Variants in PPP1R3C observed in about 807,000 individuals in gnomAD.
PPP1R3C encodes PP1 subunit R5.
Under a neutral mutation model 29.3 loss-of-function variants are expected in PPP1R3C, and 20 were observed. The observed-to-expected ratio is 0.68, with a 90% confidence interval of 0.48 to 0.99. The LOEUF is 0.99. Among genes scored for constraint, PPP1R3C ranks in the 50% least tolerant of loss-of-function variants. The pLI is 0.00. For synonymous variants in PPP1R3C, 123 were observed against 143.1 expected (o/e 0.86, Z 1.00); for missense variants, 321 against 386.0 (o/e 0.83, Z 1.41).
At chr10:91,632,510 C>G (rs1388108530) in intron 1 of PPP1R3C, among the ~76,000 whole-genome samples, 1 of 151,808 alleles carries the variant, frequency 6.6e-6, no homozygotes, top group Middle Eastern at 3.4e-3. Context: ...TGCTCAAACT[C>G]TTGAGATTTT....
Position 91,630,026 on chromosome 10 carries a change from C to T in PPP1R3C, c.855G>A (p.Glu285=), listed in dbSNP as rs1848697618. 2 of 1,614,254 alleles carry T rather than the reference C, an allele frequency of 1.2e-6. No individual in the cohort carries two copies. Among genetic ancestry groups the T allele is most frequent in the South Asian group, 1.1e-5 (1 of 91,086 alleles). The change falls in exon 2 of 2, where the codon GAG becomes GAA. Residue 285 remains glutamate, a synonymous_variant. Transcript: ENST00000238994. The surrounding 1 kb of genome is among the most constrained non-coding windows in gnomAD (Gnocchi z 4.4). ...CAFHQTSPKT[E]LESTIFGSPR... is the part of the protein sequence containing the mutation. Reference sequence around the variant, plus strand: ...GACTGCCAAAGATTGTTGACTCTAACTCTGTCTTAGGAGACGTCTGGTGGA... The same window carrying T: ...GACTGCCAAAGATTGTTGACTCTAATTCTGTCTTAGGAGACGTCTGGTGGA...
Position 91,630,768 on chromosome 10 carries a change from C to A in PPP1R3C, c.113G>T (p.Ser38Ile). ...AAATTCATCGTACGGGCCCAGGAAA[C>A]TCTTCACAGGTGGTGAATGTGCCAA... Reference protein sequence around the residue: ...LCLAHSPPVKSFLGPYDEFQR... With the variant: ...LCLAHSPPVKIFLGPYDEFQR... The change falls in exon 2 of 2, where the codon AGT (serine) becomes ATT (isoleucine). Residue 38 changes from serine (S) to isoleucine (I), a missense_variant. Physicochemically the swap from Ser to Ile is moderately radical, Grantham distance 142 (BLOSUM62 -2). Transcript: ENST00000238994. This position sits in a 1 kb window ranked among gnomAD's most constrained non-coding sequence, Gnocchi z 4.4. 1 of 1,614,200 alleles carries A rather than the reference C, an allele frequency of 6.2e-7. No homozygotes were observed. Among genetic ancestry groups the A allele is most frequent in the Non-Finnish European group, 8.5e-7 (1 of 1,180,048 alleles).
chr10:91,631,957 A>G lies in PPP1R3C; in HGVS notation c.14+999T>C, dbSNP rs1848721990. Among the ~76,000 whole-genome samples, 7 of 152,346 alleles carry G rather than the reference A, an allele frequency of 4.6e-5. No homozygotes were observed. In the South Asian group the frequency reaches 1.4e-3, roughly 32 times the overall value. On this transcript the variant is annotated intron_variant, in intron 1 of 1. Coordinates refer to ENST00000238994, the MANE Select transcript of PPP1R3C (RefSeq NM_005398.7). ...AGACAATAAAACCATTTAAAGTTTT[A>G]AACATGACTATGCTCAGCAATATTA...
rs1026681708 is a variant in PPP1R3C, at chr10:91,633,045, C to T, written c.-76G>A. On this transcript the variant is annotated 5_prime_UTR_variant, in exon 1 of 2. Transcript: ENST00000238994. ...ATTCGAACCACAGCTCCAGGCCTTG[C>T]CCCCGCGGCGGTCGCTGGGAGAGAC... 2.5e-6 allele frequency: 4 copies of T among 1,570,666 alleles called. No individual in the cohort carries two copies. The highest frequency in any genetic ancestry group is 3.5e-6 in the Non-Finnish European group (4 of 1,155,458).
rs768628374 is a variant in PPP1R3C at position 91,630,634 on chromosome 10, T to G, written c.247A>C (p.Lys83Gln). 6.2e-7 allele frequency: 1 copy of G among 1,611,218 alleles called. No individual in the cohort carries two copies. The highest frequency in any genetic ancestry group is 1.7e-5 in the Admixed American group (1 of 59,882). ...DWKCSHNQAK[K>Q]RVVFADSKGL... is the part of the protein sequence containing the mutation. ...TTGGAGTCAGCAAACACAACGCGCT[T>G]CTTGGCTTGGTTGTGTGAGCACTTC... The change falls in exon 2 of 2, where the codon AAG (lysine) becomes CAG (glutamine). Residue 83 changes from lysine (K) to glutamine (Q), a missense_variant. Transcript: ENST00000238994. This position sits in a 1 kb window ranked among gnomAD's most constrained non-coding sequence, Gnocchi z 4.4.
intron 1 of PPP1R3C, 108 bp downstream of exon 1, chr10:91,632,848 C>T (rs1848731283): frequency 2.7e-6 from 4 of 1,479,492 alleles, no homozygotes; most frequent in African/African-American, 2.8e-5. Flanking sequence ...ACTTGTCCTC[C>T]CCCTGGGGTG....
Position 91,628,638 on chromosome 10 carries a change from T to C in PPP1R3C, c.*1289A>G, listed in dbSNP as rs1306489439. 1 of 152,196 alleles carries C rather than the reference T, an allele frequency of 6.6e-6. No homozygotes were observed. Among genetic ancestry groups the C allele is most frequent in the Non-Finnish European group, 1.5e-5 (1 of 68,026 alleles). 9.4% of individuals were successfully genotyped at this position (152,196 alleles called of 1,614,324 possible). A position where few individuals can be genotyped will look rare whatever the true frequency, so the allele number is the denominator to read the frequency against. ...ACTGCATTCTTGTAACACCTCTCAATGGTTGTGCACAATAATAGAAGCAAC... is the reference window on the plus strand; with the variant it reads ...ACTGCATTCTTGTAACACCTCTCAACGGTTGTGCACAATAATAGAAGCAAC... On this transcript the variant is annotated 3_prime_UTR_variant, in exon 2 of 2. Coordinates refer to ENST00000238994, the MANE Select transcript of PPP1R3C (RefSeq NM_005398.7).
chr10:91,632,091 AGAGGT>A (rs1401038262), intron 1 of PPP1R3C, among the ~76,000 whole-genome samples: 1 of 152,208 alleles, frequency 6.6e-6, no homozygotes, highest in Non-Finnish European at 1.5e-5. Context: ...CTTACAAGTA[AGAGGT>A]GTGTGTATAC....
chr10:91,632,854 G>A, intron 1 of PPP1R3C, 102 bp downstream of exon 1: 2 of 1,495,260 alleles, frequency 1.3e-6, no homozygotes, highest in East Asian at 2.4e-5. Context: ...CCTCCCCCTG[G>A]GGTGTCCATT....
At position 91,630,545 on chromosome 10, in the gene PPP1R3C, C is replaced by A; in HGVS notation, c.336G>T (p.Leu112=). 1 of 1,614,134 alleles carries A rather than the reference C, an allele frequency of 6.2e-7. No individual in the cohort carries two copies. Among genetic ancestry groups the A allele is most frequent in the Middle Eastern group, 1.6e-4 (1 of 6,062 alleles). The change falls in exon 2 of 2, where the codon CTG becomes CTT. Residue 112 remains leucine, a synonymous_variant. Coordinates refer to ENST00000238994, the MANE Select transcript of PPP1R3C (RefSeq NM_005398.7). The surrounding 1 kb of genome is among the most constrained non-coding windows in gnomAD (Gnocchi z 4.4). ...CATTAAGGTCCAAGAGATCAAACTG[C>A]AGATCCCACGCTGGTTCTTCTGGGA... The part of the protein sequence containing the change: ...SDLPEEPAWD[L]QFDLLDLNDI...
At position 91,629,850 on chromosome 10, in the gene PPP1R3C, C is replaced by G. The variant is rs1564769218; in HGVS notation, c.*77G>C. Reference sequence around the variant, plus strand: ...CCTACTGATGGAGTAGCAAAGGCTTCCTAAAATTGAGCAATACAGACCTAG... The same window carrying G: ...CCTACTGATGGAGTAGCAAAGGCTTGCTAAAATTGAGCAATACAGACCTAG... On this transcript the variant is annotated 3_prime_UTR_variant, in exon 2 of 2. Coordinates refer to ENST00000238994, the MANE Select transcript of PPP1R3C (RefSeq NM_005398.7). 9 of 1,492,270 alleles carry G rather than the reference C, an allele frequency of 6.0e-6. No homozygotes were observed. The highest frequency in any genetic ancestry group is 7.4e-6 in the Non-Finnish European group (8 of 1,077,492). 92.4% of individuals were successfully genotyped at this position (1,492,270 alleles called of 1,614,324 possible).
At position 91,630,606 on chromosome 10, in the gene PPP1R3C, C is replaced by G; in HGVS notation, c.275G>C (p.Gly92Ala). ...GACATGGATCGCAGTGAGAGAGAGG[C>G]CCTTGGAGTCAGCAAACACAACGCG... ...KKRVVFADSK[G>A]LSLTAIHVFS... is the part of the protein sequence containing the mutation. The change falls in exon 2 of 2, where the codon GGC becomes GCC. Residue 92 changes from glycine (G) to alanine (A), a missense_variant. Physicochemically the swap from Gly to Ala is moderately conservative, Grantham distance 60. Transcript: ENST00000238994. The surrounding 1 kb of genome is among the most constrained non-coding windows in gnomAD (Gnocchi z 4.4). The G allele has an allele frequency of 1.2e-6, 2 of 1,612,058 alleles. No individual in the cohort carries two copies. The highest frequency in any genetic ancestry group is 1.7e-6 in the Non-Finnish European group (2 of 1,178,414).
Position 91,629,310 on chromosome 10 carries a change from AC to A in PPP1R3C, c.*616del, listed in dbSNP as rs1452267499. On this transcript the variant is annotated 3_prime_UTR_variant, in exon 2 of 2. Coordinates refer to ENST00000238994, the MANE Select transcript of PPP1R3C (RefSeq NM_005398.7). ...GATCACATCTGAACAGAAAGGCTTC[AC>A]TTAAGATCTTGATTCTCCGGAGCTA... The A allele has an allele frequency of 1.3e-5, 2 of 154,530 alleles. No individual in the cohort carries two copies. The highest frequency in any genetic ancestry group is 4.8e-5 in the African/African-American group (2 of 41,462). The allele number at this position is 154,530 out of a possible 1,614,324, so 9.6% of individuals were successfully genotyped here.
At chr10:91,632,060 G>C (rs1848722657) in intron 1 of PPP1R3C, among the ~76,000 whole-genome samples, 2 of 152,130 alleles carry the variant, frequency 1.3e-5, no homozygotes, top group African/African-American at 4.8e-5. Flanking sequence ...ATGGTATTAA[G>C]ATTTTTTTCC....
chr10:91,630,213 G>T lies in PPP1R3C; in HGVS notation c.668C>A (p.Pro223His), dbSNP rs1483899423. 2 of 1,614,070 alleles carry T rather than the reference G, an allele frequency of 1.2e-6. No homozygotes were observed. The highest frequency in any genetic ancestry group is 1.6e-4 in the Middle Eastern group (1 of 6,084). Residue 223 changes from proline to histidine, a missense_variant, in exon 2 of 2, where the codon CCC becomes CAC. Transcript: ENST00000238994. This position sits in a 1 kb window ranked among gnomAD's most constrained non-coding sequence, Gnocchi z 4.4. The part of the protein sequence containing the change: ...SDTFSFAIDL[P>H]PVIPTEQKIE... ...TTTCTGCTCAGTTGGAATGACAGGGGGTAAGTCAATGGCAAATGAGAAGGT... is the reference window on the plus strand; with the variant it reads ...TTTCTGCTCAGTTGGAATGACAGGGTGTAAGTCAATGGCAAATGAGAAGGT...
rs1848734215 is a variant in PPP1R3C at position 91,633,046 on chromosome 10, C to A, written c.-77G>T. On this transcript the variant is annotated 5_prime_UTR_variant, in exon 1 of 2. Transcript: ENST00000238994. ...TTCGAACCACAGCTCCAGGCCTTGC[C>A]CCCGCGGCGGTCGCTGGGAGAGACT... The A allele has an allele frequency of 6.4e-7, 1 of 1,570,524 alleles. No homozygotes were observed.
chr10:91,630,818 G>A lies in PPP1R3C; in HGVS notation c.63C>T (p.Pro21=), dbSNP rs202120634. ...DPRPLTSSVM[P]VDVAMRLCLA... is the part of the protein sequence containing the mutation. ...AGCAAAGCCTCATGGCCACATCCAC[G>A]GGCATGACCGAACTTGTCAAAGGAC... Residue 21 remains proline (P), a synonymous_variant, in exon 2 of 2, where the codon CCC becomes CCT. Transcript: ENST00000238994. This position sits in a 1 kb window ranked among gnomAD's most constrained non-coding sequence, Gnocchi z 4.4. The A allele has an allele frequency of 2.0e-5, 33 of 1,613,920 alleles. No homozygotes were observed. Among genetic ancestry groups the A allele is most frequent in the Middle Eastern group, 1.6e-4 (1 of 6,062 alleles).
chr10:91,629,900 T>C lies in PPP1R3C; in HGVS notation c.*27A>G, dbSNP rs1392000359. On this transcript the variant is annotated 3_prime_UTR_variant, in exon 2 of 2. Coordinates refer to ENST00000238994, the MANE Select transcript of PPP1R3C (RefSeq NM_005398.7). ...GGATTGCATGGGGGAATATGACAAGTCAAGACCAGTTACATTGTTGCTTAA... is the reference window on the plus strand; with the variant it reads ...GGATTGCATGGGGGAATATGACAAGCCAAGACCAGTTACATTGTTGCTTAA... The C allele has an allele frequency of 6.2e-7, 1 of 1,611,464 alleles. No homozygotes were observed.
rs2133482813 is a variant in PPP1R3C at position 91,629,130 on chromosome 10, A to G, written c.*797T>C. On this transcript the variant is annotated 3_prime_UTR_variant, in exon 2 of 2. Coordinates refer to ENST00000238994, the MANE Select transcript of PPP1R3C (RefSeq NM_005398.7). The stretch of plus-strand genomic sequence containing the variant: ...ATCTTTGACATGACATGAAGTCCCT[A>G]CGTGTTGTTAGCCATTAATGATGGC... 1 of 152,368 alleles carries G rather than the reference A, an allele frequency of 6.6e-6. No homozygotes were observed. Among genetic ancestry groups the G allele is most frequent in the African/African-American group, 2.4e-5 (1 of 41,582 alleles). 9.4% of individuals were successfully genotyped at this position (152,368 alleles called of 1,614,324 possible).
Sources: gnomAD v4.1 joint callset for allele counts (sites outside exome capture counted in the v4.1 genomes callset) on GRCh38, gnomAD v4.1.1 for gene constraint, Gnocchi (gnomAD v3.1) non-coding constraint, MANE v1.5 for transcripts, NCBI Gene and HGNC (gene_info 2026-07-23, HGNC 2026-07-21) for gene names.